Variants in LDLRAD4 observed in about 807,000 individuals in gnomAD.
LDLRAD4 encodes low density lipoprotein receptor class A domain containing 4, also known as low-density lipoprotein receptor class A domain-containing protein 4.
LDLRAD4 carries 5 observed loss-of-function variants against 17.0 expected under a neutral mutation model. That is an observed-to-expected ratio of 0.29 (90% confidence interval 0.15 to 0.62). LDLRAD4 has a LOEUF of 0.62. Ranked by LOEUF, LDLRAD4 falls within the 20% of genes least tolerant of loss-of-function variation. The pLI, the probability that LDLRAD4 is intolerant of heterozygous loss-of-function variation, is 0.84. For synonymous variants in LDLRAD4, 168 were observed against 171.8 expected (o/e 0.98, Z 0.17); for missense variants, 340 against 424.7 (o/e 0.80, Z 1.75).
At chr18:13,248,036 C>T (rs2043050259) in intron 1 of LDLRAD4, among the ~76,000 whole-genome samples, 1 of 149,594 alleles carries the variant, frequency 6.7e-6, no homozygotes, top group Non-Finnish European at 1.5e-5. Flanking sequence ...TCTTGGCTCA[C>T]TGCAACCTCC....
chr18:13,582,246 C>A (rs936985706), intron 3 of LDLRAD4, among the ~76,000 whole-genome samples: 3 of 152,240 alleles, frequency 2.0e-5, no homozygotes, highest in African/African-American at 7.2e-5. Flanking sequence ...TTTTCTTTGC[C>A]TTTGAATGGC....
chr18:13,233,885 C>T (rs561194343), intron 1 of LDLRAD4, among the ~76,000 whole-genome samples: 46 of 152,242 alleles, frequency 3.0e-4, no homozygotes, highest in African/African-American at 9.1e-4. Context: ...CCCAGCTGCT[C>T]CTCCCTGCCC....
At chr18:13,617,293 T>A (rs1251612713) in intron 3 of LDLRAD4, among the ~76,000 whole-genome samples, 1 of 152,188 alleles carries the variant, frequency 6.6e-6, no homozygotes, top group African/African-American at 2.4e-5. Context: ...TTTCTTATCC[T>A]TGCCTGAATT....
chr18:13,306,334 C>CT (rs2046912858), intron 1 of LDLRAD4, among the ~76,000 whole-genome samples: 1 of 152,228 alleles, frequency 6.6e-6, no homozygotes, highest in South Asian at 2.1e-4. Flanking sequence ...AGTGAGAACT[C>CT]TTTTCCTGGA....
At position 13,517,942 on chromosome 18, in the gene LDLRAD4, G is replaced by T. The variant is rs187928204; in HGVS notation, c.181+79558G>T. Among the ~76,000 whole-genome samples the T allele has an allele frequency of 4.6e-5, 7 of 152,256 alleles. No individual in the cohort carries two copies. In the East Asian group the frequency reaches 1.4e-3, roughly 29 times the overall value. ...TTTGGTAGAGATGGGGTTTCGCTGT[G>T]TTAGGATGGTCTCGATCTCCTGACC... On this transcript the variant is annotated intron_variant, in intron 3 of 5. Coordinates refer to ENST00000359446, the Ensembl canonical transcript of LDLRAD4.
chr18:13,238,927 C>T (rs2187503), intron 1 of LDLRAD4, among the ~76,000 whole-genome samples: 1 of 152,124 alleles, frequency 6.6e-6, no homozygotes, highest in Admixed American at 6.5e-5. Flanking sequence ...TGGCTCATGT[C>T]TGCAATCCCA....
chr18:13,352,584 TTTGAG>T (rs1416480636), intron 1 of LDLRAD4, among the ~76,000 whole-genome samples: 2 of 152,362 alleles, frequency 1.3e-5, no homozygotes, highest in African/African-American at 4.8e-5. Flanking sequence ...TTTATCCTAC[TTTGAG>T]TTGTTAAATT....
intron 1 of LDLRAD4, among the ~76,000 whole-genome samples, chr18:13,349,026 T>G (rs2082880796): frequency 6.6e-6 from 1 of 152,214 alleles, no homozygotes; most frequent in Non-Finnish European, 1.5e-5. Context: ...ACTTCCCAGG[T>G]GAGGCGATGC....
At chr18:13,246,333 C>T (rs1567928728) in intron 1 of LDLRAD4, among the ~76,000 whole-genome samples, 2 of 152,192 alleles carry the variant, frequency 1.3e-5, no homozygotes, top group African/African-American at 2.4e-5. Flanking sequence ...GCTGCCCTGG[C>T]GCCTGGTGAT....
At chr18:13,518,033 C>T (rs2093895875) in intron 3 of LDLRAD4, among the ~76,000 whole-genome samples, 1 of 152,238 alleles carries the variant, frequency 6.6e-6, no homozygotes, top group African/African-American at 2.4e-5. Flanking sequence ...CGCGCCCGGC[C>T]ATGACTTTCT....
At chr18:13,261,896 C>T (rs1003073179) in intron 1 of LDLRAD4, among the ~76,000 whole-genome samples, 5 of 151,968 alleles carry the variant, frequency 3.3e-5, no homozygotes, top group Admixed American at 2.0e-4. Context: ...CAAAGAGGAA[C>T]AGAGGAGATG....
intron 3 of LDLRAD4, among the ~76,000 whole-genome samples, chr18:13,535,325 A>G (rs1465008267): frequency 6.6e-6 from 1 of 152,180 alleles, no homozygotes; most frequent in Non-Finnish European, 1.5e-5. Context: ...ATTCTCATCA[A>G]CACTTGATAT....
At chr18:13,232,725 C>T (rs146653889) in intron 1 of LDLRAD4, among the ~76,000 whole-genome samples, 10 of 152,318 alleles carry the variant, frequency 6.6e-5, no homozygotes, top group Non-Finnish European at 1.0e-4. Context: ...AAGCCGTGTG[C>T]GCCGTTCACA....
At position 13,287,232 on chromosome 18, in the gene LDLRAD4, A is replaced by C. The variant is rs115591056; in HGVS notation, c.-383+9044A>C. 8.3e-3 allele frequency among the ~76,000 whole-genome samples: 1,260 copies of C among 152,302 alleles called. 21 individuals carry two copies. The highest frequency in any genetic ancestry group is 0.029 in the African/African-American group (1,202 of 41,550). On this transcript the variant is annotated intron_variant, in intron 1 of 5. Transcript: ENST00000359446. ...ATCTTAGTATATCTTTCTATGAAATACTGTCCCATAAAGTACAGAAAGATA... is the reference window on the plus strand; with the variant it reads ...ATCTTAGTATATCTTTCTATGAAATCCTGTCCCATAAAGTACAGAAAGATA...
intron 1 of LDLRAD4, among the ~76,000 whole-genome samples, chr18:13,281,090 C>T (rs771790650): frequency 2.0e-5 from 3 of 152,192 alleles, no homozygotes; most frequent in African/African-American, 4.8e-5. Context: ...TGCAATAAAA[C>T]AGATTAACTC....
At chr18:13,603,579 T>C (rs1399791672) in intron 3 of LDLRAD4, among the ~76,000 whole-genome samples, 1 of 152,230 alleles carries the variant, frequency 6.6e-6, no homozygotes, top group African/African-American at 2.4e-5. Context: ...ATTCATCTCA[T>C]GATAGTTGTA....
At chr18:13,405,273 A>G (rs1402588968) in intron 2 of LDLRAD4, among the ~76,000 whole-genome samples, 1 of 152,272 alleles carries the variant, frequency 6.6e-6, no homozygotes, top group East Asian at 1.9e-4. Context: ...TTTATACCCA[A>G]AAGACTGAGG....
At chr18:13,472,151 T>A (rs1306704297) in intron 3 of LDLRAD4, 1 of 152,266 alleles carries the variant, frequency 6.6e-6, no homozygotes, top group Non-Finnish European at 1.5e-5. Flanking sequence ...CCTCGCATTG[T>A]GCCATCCAGC....
At chr18:13,634,761 C>G (rs1434067707) in intron 4 of LDLRAD4, among the ~76,000 whole-genome samples, 1 of 149,978 alleles carries the variant, frequency 6.7e-6, no homozygotes, top group Admixed American at 6.6e-5. Flanking sequence ...CCCTAAATAT[C>G]CACAATAATC....
Sources: gnomAD v4.1 joint callset for allele counts (sites outside exome capture counted in the v4.1 genomes callset) on GRCh38, gnomAD v4.1.1 for gene constraint, MANE v1.5 for transcripts, NCBI Gene and HGNC (gene_info 2026-07-23, HGNC 2026-07-21) for gene names.